Variants in RTL4 observed in about 807,000 individuals in gnomAD.
RTL4 encodes the protein retrotransposon Gag like 4.
RTL4 carries 4 observed loss-of-function variants against 5.3 expected under a neutral mutation model. That is an observed-to-expected ratio of 0.75 (90% CI 0.37 to 1.72). The LOEUF (loss-of-function observed/expected upper bound fraction) is 1.72. Ranked by LOEUF, RTL4 falls within the 40% of genes most tolerant of loss-of-function variation. The pLI, the probability that RTL4 is intolerant of heterozygous loss-of-function variation, is 0.04. For missense variants in RTL4, 260 were observed against 227.1 expected (o/e 1.14, Z -0.93); for synonymous variants, 98 against 87.3 (o/e 1.12, Z -0.68).
the RTL4 span, among the ~76,000 whole-genome samples, chrX:112,333,423 G>T: frequency 9.0e-6 from 1 of 111,096 alleles, no homozygotes; most frequent in Non-Finnish European, 1.9e-5. Context: ...AGATAGATAG[G>T]CTAATTTGCT....
chrX:112,364,653 C>G, the RTL4 span, among the ~76,000 whole-genome samples: 4 of 110,623 alleles, frequency 3.6e-5, no homozygotes, highest in Non-Finnish European at 7.6e-5. Flanking sequence ...ATGGCAACTC[C>G]GAGCAGCTAT....
the RTL4 span, among the ~76,000 whole-genome samples, chrX:112,329,783 C>T: frequency 2.0e-4 from 22 of 111,071 alleles, no homozygotes; most frequent in African/African-American, 3.9e-4. Context: ...AAACCGAATC[C>T]AGCAGCACAT....
the RTL4 span, among the ~76,000 whole-genome samples, chrX:112,197,580 T>C: frequency 8.9e-6 from 1 of 111,804 alleles, no homozygotes; most frequent in Non-Finnish European, 1.9e-5. Flanking sequence ...TAAGCTTCTT[T>C]ACTGGTGAGA....
the RTL4 span, among the ~76,000 whole-genome samples, chrX:112,248,925 A>G: frequency 5.3e-3 from 591 of 112,315 alleles, 3 homozygotes; most frequent in African/African-American, 0.018. Flanking sequence ...GGTACTAGAA[A>G]ACGAGATAAA....
the RTL4 span, among the ~76,000 whole-genome samples, chrX:112,148,533 A>G: frequency 6.0e-4 from 67 of 111,243 alleles, no homozygotes; most frequent in African/African-American, 2.0e-3. Flanking sequence ...ATGCCAAGTA[A>G]TGTCAAGTCT....
At chrX:112,324,910 A>G in the RTL4 span, among the ~76,000 whole-genome samples, 4 of 111,270 alleles carry the variant, frequency 3.6e-5, no homozygotes, top group Admixed American at 2.9e-4. Context: ...GTTGTTGTTG[A>G]TCTTCTGTCT....
chrX:112,208,334 G>A, the RTL4 span, among the ~76,000 whole-genome samples: 1 of 111,902 alleles, frequency 8.9e-6, no homozygotes, highest in African/African-American at 3.2e-5. Context: ...GATCTAAAAG[G>A]CCTCACCATC....
chrX:112,303,595 T>C, the RTL4 span, among the ~76,000 whole-genome samples: 2 of 59,458 alleles, frequency 3.4e-5, no homozygotes, highest in Non-Finnish European at 5.7e-5. Flanking sequence ...CATCACACTC[T>C]GGGGCCTGTT....
chrX:112,454,745 AATC>A (rs768723451), exon 1 of RTL4: 2 of 1,188,930 alleles, frequency 1.7e-6, no homozygotes, highest in Admixed American at 4.7e-5. Context: ...AAGTGCACGA[AATC>A]ATCATCTACC....
At chrX:112,369,937 C>T in the RTL4 span, among the ~76,000 whole-genome samples, 1 of 111,967 alleles carries the variant, frequency 8.9e-6, no homozygotes, top group Non-Finnish European at 1.9e-5. Context: ...CAGAGACCTC[C>T]AAGGTTTTTG....
At chrX:112,349,838 A>G in the RTL4 span, among the ~76,000 whole-genome samples, 3 of 105,861 alleles carry the variant, frequency 2.8e-5, no homozygotes, top group Admixed American at 3.1e-4. Context: ...CTCTTTTCCT[A>G]ATTGAATACC....
At chrX:112,443,361 C>T in the RTL4 span, among the ~76,000 whole-genome samples, 345 of 111,826 alleles carry the variant, frequency 3.1e-3, no homozygotes, top group Non-Finnish European at 4.2e-3. Context: ...GCTTCCAATT[C>T]TTGGCTATTG....
the RTL4 span, among the ~76,000 whole-genome samples, chrX:112,221,191 G>C: frequency 1.2e-4 from 13 of 111,680 alleles, no homozygotes; most frequent in Admixed American, 7.7e-4. Context: ...TGCCAGGTGA[G>C]AGACAGCATG....
the RTL4 span, among the ~76,000 whole-genome samples, chrX:112,276,188 T>C: frequency 8.9e-6 from 1 of 112,083 alleles, no homozygotes; most frequent in Non-Finnish European, 1.9e-5. Context: ...TTCCATCATA[T>C]TCTTTGCTAA....
At chrX:112,455,987 T>TC in exon 1 of RTL4, 1 of 297,598 alleles carries the variant, frequency 3.4e-6, no homozygotes, top group Non-Finnish European at 6.1e-6. Flanking sequence ...GGGAACCTTA[T>TC]CCTGACCAAT....
At chrX:112,189,155 A>T in the RTL4 span, among the ~76,000 whole-genome samples, 2 of 111,237 alleles carry the variant, frequency 1.8e-5, no homozygotes, top group East Asian at 5.7e-4. Context: ...GCAGTTTGGG[A>T]GGCCAAGGTA....
chrX:112,100,956 C>T, the RTL4 span, among the ~76,000 whole-genome samples: 3 of 111,963 alleles, frequency 2.7e-5, no homozygotes, highest in Admixed American at 2.8e-4. Flanking sequence ...TGCCTTACAA[C>T]TGTCTTAGTT....
the RTL4 span, among the ~76,000 whole-genome samples, chrX:112,131,619 G>C: frequency 9.0e-6 from 1 of 111,504 alleles, no homozygotes; most frequent in South Asian, 3.8e-4. Context: ...TTCACTATTC[G>C]TACTATTAAA....
chrX:112,259,928 G>A, the RTL4 span, among the ~76,000 whole-genome samples: 4 of 111,847 alleles, frequency 3.6e-5, no homozygotes, highest in African/African-American at 1.3e-4. Context: ...TTTTGCCAAG[G>A]TGAACAGCTT....
Sources: allele counts gnomAD v4.1 joint callset (sites outside exome capture counted in the v4.1 genomes callset), GRCh38; gene constraint gnomAD v4.1.1; transcripts MANE v1.5; gene names NCBI Gene and HGNC (gene_info 2026-07-23, HGNC 2026-07-21).